Variants in CHRNA7 observed in about 807,000 individuals in gnomAD.
CHRNA7 encodes the protein cholinergic receptor nicotinic alpha 7 subunit, also known as neuronal acetylcholine receptor subunit alpha-7.
Under a neutral mutation model 48.0 loss-of-function variants are expected in CHRNA7, and 17 were observed. That is an observed-to-expected ratio of 0.35 (90% CI 0.24 to 0.53). CHRNA7 has a LOEUF of 0.53. Ranked by LOEUF, CHRNA7 falls within the 20% of genes least tolerant of loss-of-function variation. The probability of loss-of-function intolerance (pLI) is 0.92; values close to 1 mark genes in which losing one functional copy is unlikely to be tolerated. For missense variants in CHRNA7, 155 were observed against 577.7 expected (o/e 0.27, Z 7.50); for synonymous variants, 75 against 242.3 (o/e 0.31, Z 6.41).
rs538197891 is a variant in CHRNA7, at chr15:32,142,869, G to A, written c.351-11038G>A. 4.6e-5 allele frequency among the ~76,000 whole-genome samples: 7 copies of A among 152,126 alleles called. No individual in the cohort carries two copies. In the East Asian group the frequency reaches 5.8e-4, roughly 13 times the overall value. ...TTTTGTTGATCTTTTCAAAAAACCC[G>A]TTCCTGGATTCATTGATTTTTTGAA... On this transcript the variant is annotated intron_variant, in intron 4 of 9. Coordinates refer to ENST00000306901, the MANE Select transcript of CHRNA7 (RefSeq NM_000746.6).
intron 3 of CHRNA7, chr15:32,102,707 A>G (rs1327964868): frequency 6.6e-6 from 1 of 152,196 alleles, no homozygotes; most frequent in Non-Finnish European, 1.5e-5. Flanking sequence ...ATGACTTTTT[A>G]TTACTTGAAT....
chr15:32,122,682 A>G (rs1255487557), intron 4 of CHRNA7, among the ~76,000 whole-genome samples: 2 of 152,000 alleles, frequency 1.3e-5, no homozygotes, highest in Admixed American at 1.3e-4. Context: ...TCTTTAAGGG[A>G]TAGAAAATAA....
intron 2 of CHRNA7, among the ~76,000 whole-genome samples, chr15:32,095,570 G>A (rs371783193): frequency 7.2e-5 from 11 of 152,236 alleles, no homozygotes; most frequent in Admixed American, 5.2e-4. Flanking sequence ...TCATGTAATA[G>A]AAGACATCTG....
chr15:32,144,909 C>A (rs1416327927), intron 4 of CHRNA7, among the ~76,000 whole-genome samples: 1 of 152,196 alleles, frequency 6.6e-6, no homozygotes, highest in Non-Finnish European at 1.5e-5. Flanking sequence ...CTTCTGAAAC[C>A]TACTTCTGTC....
At chr15:32,119,661 TCTTGA>T (rs1259084966) in intron 4 of CHRNA7, among the ~76,000 whole-genome samples, 4 of 152,232 alleles carry the variant, frequency 2.6e-5, no homozygotes, top group African/African-American at 9.6e-5. Flanking sequence ...CATATTCTCC[TCTTGA>T]CTTGTTAGCA....
At chr15:32,093,842 C>A (rs2050422575) in intron 2 of CHRNA7, among the ~76,000 whole-genome samples, 1 of 152,068 alleles carries the variant, frequency 6.6e-6, no homozygotes, top group East Asian at 1.9e-4. Context: ...ATCCCTTAAG[C>A]CTTATACGTT....
chr15:32,043,360 A>C (rs1191043111), intron 2 of CHRNA7, among the ~76,000 whole-genome samples: 2 of 152,180 alleles, frequency 1.3e-5, no homozygotes, highest in Non-Finnish European at 2.9e-5. Context: ...TCATGTGGTT[A>C]CTGATCTATT....
chr15:32,131,996 G>A (rs1191950737), intron 4 of CHRNA7, among the ~76,000 whole-genome samples: 1 of 152,138 alleles, frequency 6.6e-6, no homozygotes, highest in Non-Finnish European at 1.5e-5. Flanking sequence ...AGGCGGCTGG[G>A]TCAAGATGAG....
intron 2 of CHRNA7, among the ~76,000 whole-genome samples, chr15:32,052,759 A>T (rs1430989580): frequency 6.6e-6 from 1 of 152,172 alleles, no homozygotes; most frequent in East Asian, 1.9e-4. Flanking sequence ...TTAAATAAAA[A>T]AGTTAGATGA....
intron 2 of CHRNA7, among the ~76,000 whole-genome samples, chr15:32,079,523 C>G (rs1211258048): frequency 6.6e-6 from 1 of 152,102 alleles, no homozygotes; most frequent in Non-Finnish European, 1.5e-5. Flanking sequence ...AGAGCCAAAT[C>G]ATGAATGAAC....
intron 4 of CHRNA7, chr15:32,112,199 T>A: frequency 1.8e-6 from 1 of 540,564 alleles, no homozygotes; most frequent in Non-Finnish European, 3.5e-6. Context: ...CATGGAGTAT[T>A]CTTGCATAAG....
At chr15:32,104,773 G>C (rs1285400360) in intron 3 of CHRNA7, among the ~76,000 whole-genome samples, 1 of 152,200 alleles carries the variant, frequency 6.6e-6, no homozygotes, top group Non-Finnish European at 1.5e-5. Context: ...CTTTCGTACT[G>C]TGTGTATAAG....
intron 3 of CHRNA7, among the ~76,000 whole-genome samples, chr15:32,110,728 T>G (rs886507083): frequency 1.3e-5 from 2 of 152,228 alleles, no homozygotes; most frequent in African/African-American, 4.8e-5. Context: ...CAAATTATTT[T>G]GGTCTAAAAT....
chr15:32,126,828 C>T (rs2141308719), intron 4 of CHRNA7, among the ~76,000 whole-genome samples: 1 of 152,268 alleles, frequency 6.6e-6, no homozygotes, highest in East Asian at 1.9e-4. Flanking sequence ...CCAGCAGTAA[C>T]ACCTTAAATA....
At chr15:32,071,658 A>G (rs982343408) in intron 2 of CHRNA7, among the ~76,000 whole-genome samples, 4 of 152,030 alleles carry the variant, frequency 2.6e-5, no homozygotes, top group Non-Finnish European at 5.9e-5. Flanking sequence ...TGGTTGTTCA[A>G]AAGAGCCTGG....
intron 4 of CHRNA7, among the ~76,000 whole-genome samples, chr15:32,125,190 A>C (rs180763077): frequency 1.3e-5 from 2 of 152,352 alleles, no homozygotes; most frequent in African/African-American, 2.4e-5. Flanking sequence ...AGATTTAAGA[A>C]AGAAGACAAT....
At chr15:32,113,253 G>A (rs1038122497) in intron 4 of CHRNA7, among the ~76,000 whole-genome samples, 3 of 152,216 alleles carry the variant, frequency 2.0e-5, no homozygotes, top group East Asian at 1.9e-4. Context: ...CGTGACCTTC[G>A]CTTGTCTCTG....
At chr15:32,151,508 G>A (rs1020567571) in intron 4 of CHRNA7, among the ~76,000 whole-genome samples, 2 of 151,822 alleles carry the variant, frequency 1.3e-5, no homozygotes, top group Non-Finnish European at 1.5e-5. Context: ...AAGTGTCTTC[G>A]TGTTATTTCT....
intron 2 of CHRNA7, among the ~76,000 whole-genome samples, chr15:32,063,560 C>T (rs28535123): frequency 0.058 from 8,777 of 152,126 alleles, 281 homozygotes; most frequent in Middle Eastern, 0.11. Flanking sequence ...CAAGCCTTGC[C>T]GTCTGGAGTT....
Sources: allele counts gnomAD v4.1 joint callset (sites outside exome capture counted in the v4.1 genomes callset), GRCh38; gene constraint gnomAD v4.1.1; transcripts MANE v1.5; gene names NCBI Gene and HGNC (gene_info 2026-07-23, HGNC 2026-07-21).